PCDHGB4: variants seen among roughly 807,000 people sequenced by gnomAD.
PCDHGB4 encodes protocadherin gamma-B4.
A neutral mutation model predicts 60.5 loss-of-function variants in PCDHGB4; 38 were observed. The ratio of observed to expected loss-of-function variants is 0.63; its 90% CI spans 0.48 to 0.82. PCDHGB4 has a LOEUF of 0.82. Among genes scored for constraint, PCDHGB4 ranks in the 40% least tolerant of loss-of-function variants. The pLI is 0.00. For missense variants in PCDHGB4, 1,109 were observed against 1,209.6 expected (o/e 0.92, Z 1.23); for synonymous variants, 456 against 509.7 (o/e 0.89, Z 1.42).
chr5:141,409,180 T>C (rs2095236494), intron 1 of PCDHGB4: 1 of 1,613,848 alleles, frequency 6.2e-7, no homozygotes, highest in Non-Finnish European at 8.5e-7. Flanking sequence ...ACGGAGGTGG[T>C]CTCTCTACCC....
At chr5:141,500,866 A>C (rs576713520) in intron 2 of PCDHGB4, among the ~76,000 whole-genome samples, 1 of 146,112 alleles carries the variant, frequency 6.8e-6, no homozygotes, top group Non-Finnish European at 1.5e-5. Context: ...AAACATACAC[A>C]TTCATTTACA....
chr5:141,414,870 G>A (rs1325555474), intron 1 of PCDHGB4: 1 of 1,614,224 alleles, frequency 6.2e-7, no homozygotes, highest in Non-Finnish European at 8.5e-7. Context: ...ATGCGCCCGA[G>A]ATCCTGTACC....
intron 1 of PCDHGB4, chr5:141,414,831 G>C: frequency 4.3e-6 from 7 of 1,614,212 alleles, no homozygotes; most frequent in Non-Finnish European, 5.9e-6. Flanking sequence ...ACGTGTCGTT[G>C]AGCCTGTTTG....
chr5:141,402,394 G>T (rs928311359), intron 1 of PCDHGB4, among the ~76,000 whole-genome samples: 5 of 151,852 alleles, frequency 3.3e-5, no homozygotes, highest in Non-Finnish European at 7.4e-5. Context: ...AATTACTTCA[G>T]AAAATTGTTA....
intron 2 of PCDHGB4, among the ~76,000 whole-genome samples, chr5:141,501,761 G>C (rs906778888): frequency 2.6e-5 from 4 of 152,090 alleles, no homozygotes; most frequent in African/African-American, 4.8e-5. Flanking sequence ...CTCAGTAAAT[G>C]GTTAAAAAAG....
At chr5:141,418,171 G>A (rs2096234086) in intron 1 of PCDHGB4, 1 of 1,613,952 alleles carries the variant, frequency 6.2e-7, no homozygotes, top group African/African-American at 1.3e-5. Flanking sequence ...GATGTGAGTT[G>A]CAATTGGAAG....
At chr5:141,420,412 T>A in intron 1 of PCDHGB4, 1 of 1,225,004 alleles carries the variant, frequency 8.2e-7, no homozygotes, top group Non-Finnish European at 1.1e-6. Flanking sequence ...TGGTTATCAT[T>A]ATTAAAACAA....
intron 1 of PCDHGB4, among the ~76,000 whole-genome samples, chr5:141,459,755 G>A (rs1383912891): frequency 2.0e-5 from 3 of 152,182 alleles, no homozygotes; most frequent in African/African-American, 7.2e-5. Flanking sequence ...CAATTCTAGT[G>A]GGTGTGTGAT....
intron 1 of PCDHGB4, among the ~76,000 whole-genome samples, chr5:141,470,290 C>T (rs1226383020): frequency 1.3e-5 from 2 of 152,148 alleles, no homozygotes; most frequent in Non-Finnish European, 2.9e-5. Context: ...TATTGGTTAA[C>T]TGTTTTTATT....
At chr5:141,417,052 CTT>C (rs1308339867) in intron 1 of PCDHGB4, 2 of 151,464 alleles carry the variant, frequency 1.3e-5, no homozygotes, top group African/African-American at 4.9e-5. Context: ...AAAAACTGCT[CTT>C]GACATTGTAG....
chr5:141,434,072 A>G lies in PCDHGB4; in HGVS notation c.2397+43791A>G, dbSNP rs558084143. On this transcript the variant is annotated intron_variant, in intron 1 of 3. Coordinates refer to ENST00000519479, the MANE Select transcript of PCDHGB4 (RefSeq NM_003736.4). ...CAATGGCCTGTAATCTGTTAATATC[A>G]ATTATTTATTTTGATGCTGAAATTG... Among the ~76,000 whole-genome samples the G allele has an allele frequency of 1.9e-3, 289 of 152,072 alleles. 1 individual carries two copies. Among genetic ancestry groups the G allele is most frequent in the African/African-American group, 6.7e-3 (276 of 41,486 alleles).
Position 141,389,875 on chromosome 5 carries a change from A to G in PCDHGB4, c.1991A>G (p.Asp664Gly), listed in dbSNP as rs753159908. The change falls in exon 1 of 4, where the codon GAC becomes GGC. Residue 664 changes from aspartate to glycine, a missense_variant. Coordinates refer to ENST00000519479, the MANE Select transcript of PCDHGB4 (RefSeq NM_003736.4). ...ATATLHLVFA[D>G]SLQEVLPDIT... ...GCCACGTTGCACCTGGTCTTCGCCG[A>G]CAGCTTGCAGGAGGTGCTGCCGGAT... The G allele has an allele frequency of 1.2e-6, 2 of 1,613,946 alleles. No homozygotes were observed. Among genetic ancestry groups the G allele is most frequent in the African/African-American group, 2.7e-5 (2 of 74,952 alleles).
chr5:141,490,423 T>C lies in PCDHGB4; in HGVS notation c.2398-4384T>C. ...CCTTGATATCTCTCCGGACCTGCCATTTCAGATTAAGCCTTCTGAGAACCA... is the reference window on the plus strand; with the variant it reads ...CCTTGATATCTCTCCGGACCTGCCACTTCAGATTAAGCCTTCTGAGAACCA... On this transcript the variant is annotated intron_variant, in intron 1 of 3. Coordinates refer to ENST00000519479, the MANE Select transcript of PCDHGB4 (RefSeq NM_003736.4). This position sits in a 1 kb window ranked among gnomAD's most constrained non-coding sequence, Gnocchi z 5.4. 6.2e-7 allele frequency: 1 copy of C among 1,614,172 alleles called. No individual in the cohort carries two copies. The highest frequency in any genetic ancestry group is 8.5e-7 in the Non-Finnish European group (1 of 1,180,028).
At position 141,487,047 on chromosome 5, in the gene PCDHGB4, C is replaced by T; in HGVS notation, c.2398-7760C>T. The T allele has an allele frequency of 6.2e-7, 1 of 1,614,188 alleles. No individual in the cohort carries two copies. Among genetic ancestry groups the T allele is most frequent in the Non-Finnish European group, 8.5e-7 (1 of 1,180,032 alleles). ...AGCCTGTTTGCAGTCTCTCGATATGCTGGGGAGGTGCGGACGGCTGTTCCT... is the reference window on the plus strand; with the variant it reads ...AGCCTGTTTGCAGTCTCTCGATATGTTGGGGAGGTGCGGACGGCTGTTCCT... On this transcript the variant is annotated intron_variant, in intron 1 of 3. Coordinates refer to ENST00000519479, the MANE Select transcript of PCDHGB4 (RefSeq NM_003736.4). This position sits in a 1 kb window ranked among gnomAD's most constrained non-coding sequence, Gnocchi z 5.0.
In PCDHGB4 at chr5:141,511,236, C is replaced by T; in HGVS notation, c.*63C>T. 4 of 1,591,606 alleles carry T rather than the reference C, an allele frequency of 2.5e-6. No individual in the cohort carries two copies. Among genetic ancestry groups the T allele is most frequent in the Admixed American group, 3.6e-5 (2 of 56,022 alleles). ...CCCAACCAGCCCAGCTTCTCCTTAC[C>T]TGCACCCAGGCCTCAGAGTTTCAGG... On this transcript the variant is annotated 3_prime_UTR_variant, in exon 4 of 4. Transcript: ENST00000519479.
At chr5:141,441,859 G>T in intron 1 of PCDHGB4, 1 of 348,078 alleles carries the variant, frequency 2.9e-6, no homozygotes. Context: ...GGTGCTGCAC[G>T]CCGCGGAGCC....
At chr5:141,419,325 AC>A (rs768622826) in intron 1 of PCDHGB4, 1 of 1,613,702 alleles carries the variant, frequency 6.2e-7, no homozygotes, top group Non-Finnish European at 8.5e-7. Context: ...CGTGTCTCCT[AC>A]TCTCTCATTG....
intron 1 of PCDHGB4, chr5:141,478,291 C>T: frequency 1.9e-6 from 3 of 1,614,144 alleles, no homozygotes; most frequent in East Asian, 2.2e-5. Context: ...AGTCTAGAGA[C>T]CTATACCGAG....
intron 2 of PCDHGB4, among the ~76,000 whole-genome samples, chr5:141,502,947 G>A (rs933409229): frequency 3.0e-4 from 45 of 151,030 alleles, no homozygotes; most frequent in Admixed American, 1.8e-3. Context: ...GGGTTCAAGC[G>A]ATTCTCCTGC....
Sources: allele counts gnomAD v4.1 joint callset (sites outside exome capture counted in the v4.1 genomes callset), GRCh38; gene constraint gnomAD v4.1.1; non-coding constraint Gnocchi (gnomAD v3.1); transcripts MANE v1.5; gene names NCBI Gene and HGNC (gene_info 2026-07-23, HGNC 2026-07-21).